INPP5A: variants seen among roughly 807,000 people sequenced by gnomAD.
The protein encoded by INPP5A is 43 kDa inositol polyphosphate 5-phophatase.
INPP5A carries 14 observed loss-of-function variants against 65.2 expected under a neutral mutation model. The observed-to-expected ratio is 0.21, with a 90% CI of 0.14 to 0.34. The LOEUF (loss-of-function observed/expected upper bound fraction) is 0.34, where lower values mean the gene tolerates loss of function less well. Ranked by LOEUF, INPP5A falls within the 10% of genes least tolerant of loss-of-function variation. INPP5A has a pLI of 1.00. For synonymous variants in INPP5A, 207 were observed against 208.3 expected, an observed-to-expected ratio of 0.99 and a Z score of 0.05; for missense variants, 431 against 545.6, an observed-to-expected ratio of 0.79 and a Z score of 2.09.
intron 4 of INPP5A, among the ~76,000 whole-genome samples, chr10:132,654,095 A>G (rs975227407): frequency 6.6e-6 from 1 of 152,240 alleles, no homozygotes; most frequent in African/African-American, 2.4e-5. Context: ...CTGTTCCTCC[A>G]GTCACCCTCA....
At chr10:132,712,457 ATG>A (rs760145238) in intron 8 of INPP5A, among the ~76,000 whole-genome samples, 1 of 146,576 alleles carries the variant, frequency 6.8e-6, no homozygotes, top group Non-Finnish European at 1.5e-5. Flanking sequence ...GTGTGGGTGC[ATG>A]TGTGGTGTGG....
In INPP5A at chr10:132,675,443, A is replaced by G. The variant is rs1352237183; in HGVS notation, c.307-14949A>G. ...AGGAGAAAGGAATGAGACTCAAGGC[A>G]GTTGGGGGAAGCGGGCAAATGGCCA... On this transcript the variant is annotated intron_variant, in intron 4 of 15. Coordinates refer to ENST00000368594, the MANE Select transcript of INPP5A (RefSeq NM_005539.5). The surrounding 1 kb of genome is among the most constrained non-coding windows in gnomAD (Gnocchi z 4.2). Among the ~76,000 whole-genome samples the G allele has an allele frequency of 2.0e-5, 3 of 152,268 alleles. No homozygotes were observed. Among genetic ancestry groups the G allele is most frequent in the Non-Finnish European group, 4.4e-5 (3 of 68,052 alleles).
chr10:132,753,084 C>T lies in INPP5A; in HGVS notation c.903+3239C>T, dbSNP rs1846526103. 1.3e-5 allele frequency among the ~76,000 whole-genome samples: 2 copies of T among 152,182 alleles called. 1 individual carries two copies. The highest frequency in any genetic ancestry group is 4.1e-4 in the South Asian group (2 of 4,834). Reference sequence around the variant, plus strand: ...CCGATGCCTCGGCGTTCCTGTCCTGCTACTCAGATCCTCTCTGTTTGGGGC... The same window carrying T: ...CCGATGCCTCGGCGTTCCTGTCCTGTTACTCAGATCCTCTCTGTTTGGGGC... On this transcript the variant is annotated intron_variant, in intron 11 of 15. Coordinates refer to ENST00000368594, the MANE Select transcript of INPP5A (RefSeq NM_005539.5). The surrounding 1 kb of genome is among the most constrained non-coding windows in gnomAD (Gnocchi z 5.3).
At chr10:132,703,683 C>G (rs1231485241) in intron 6 of INPP5A, among the ~76,000 whole-genome samples, 2 of 119,962 alleles carry the variant, frequency 1.7e-5, no homozygotes, top group African/African-American at 6.6e-5. Context: ...TGCAGCTTCA[C>G]CCCCGCAGAC....
At chr10:132,743,789 C>A (rs1846319702) in intron 9 of INPP5A, among the ~76,000 whole-genome samples, 2 of 152,294 alleles carry the variant, frequency 1.3e-5, no homozygotes, top group African/African-American at 4.8e-5. Context: ...CCCAGGAAAC[C>A]TGTGATGAGG....
In INPP5A at chr10:132,727,046, T is replaced by C. The variant is rs1232490090; in HGVS notation, c.732+141T>C. 7.7e-6 allele frequency: 4 copies of C among 521,020 alleles called. No homozygotes were observed. In the Admixed American group the frequency reaches 1.1e-4, roughly 14 times the overall value. The allele number at this position is 521,020 out of a possible 1,614,324, so 32.3% of individuals were successfully genotyped here. Reference sequence around the variant, plus strand: ...CACTTTTTAAGGCAAAACCTTTCAATGAAGAAGCATGTTTTGCTGTCGGCA... The same window carrying C: ...CACTTTTTAAGGCAAAACCTTTCAACGAAGAAGCATGTTTTGCTGTCGGCA... On this transcript the variant is annotated intron_variant, in intron 9 of 15. Transcript: ENST00000368594. The surrounding 1 kb of genome is among the most constrained non-coding windows in gnomAD (Gnocchi z 6.5).
At chr10:132,683,574 T>C (rs1279797714) in intron 4 of INPP5A, among the ~76,000 whole-genome samples, 2 of 152,264 alleles carry the variant, frequency 1.3e-5, no homozygotes, top group Admixed American at 1.3e-4. Flanking sequence ...TCAGTACCCA[T>C]GTACCTGGAT....
At chr10:132,556,635 G>A (rs918004667) in intron 1 of INPP5A, among the ~76,000 whole-genome samples, 10 of 152,200 alleles carry the variant, frequency 6.6e-5, no homozygotes, top group African/African-American at 1.9e-4. Context: ...CCACCAGGCC[G>A]TCGGAGAGTC....
intron 1 of INPP5A, among the ~76,000 whole-genome samples, chr10:132,586,839 C>T (rs994992160): frequency 2.0e-5 from 3 of 152,138 alleles, no homozygotes; most frequent in East Asian, 1.9e-4. Context: ...CGCAGCGCGG[C>T]GAGGCCACGG....
intron 8 of INPP5A, among the ~76,000 whole-genome samples, chr10:132,721,589 G>T (rs1439111620): frequency 6.7e-6 from 1 of 149,274 alleles, no homozygotes. Context: ...TGTCTTCAGG[G>T]TTCTGTGGTA....
intron 2 of INPP5A, among the ~76,000 whole-genome samples, chr10:132,639,353 T>C (rs540081083): frequency 1.8e-4 from 28 of 152,220 alleles, no homozygotes; most frequent in Non-Finnish European, 3.5e-4. Context: ...CTTGTTCCAC[T>C]GTCTTTTGGC....
At chr10:132,734,277 G>A (rs932246189) in intron 9 of INPP5A, among the ~76,000 whole-genome samples, 3 of 152,304 alleles carry the variant, frequency 2.0e-5, no homozygotes, top group Non-Finnish European at 2.9e-5. Flanking sequence ...CACTGATCTC[G>A]GTGCTCCCTG....
At chr10:132,648,558 A>G (rs1292777059) in intron 3 of INPP5A, among the ~76,000 whole-genome samples, 2 of 152,200 alleles carry the variant, frequency 1.3e-5, no homozygotes, top group African/African-American at 4.8e-5. Flanking sequence ...TTATTTTAGC[A>G]CAAGTCAGCT....
In INPP5A at chr10:132,659,407, G is replaced by T. The variant is rs1181783368; in HGVS notation, c.306+8902G>T. On this transcript the variant is annotated intron_variant, in intron 4 of 15. Transcript: ENST00000368594. This position sits in a 1 kb window ranked among gnomAD's most constrained non-coding sequence, Gnocchi z 5.5. ...GGGTTCCCTAGCTCTGGGTGAGGCG[G>T]GAGTGGTGGGCAGTGCTGGCCATGA... Among the ~76,000 whole-genome samples, 1 of 152,210 alleles carries T rather than the reference G, an allele frequency of 6.6e-6. No homozygotes were observed. Among genetic ancestry groups the T allele is most frequent in the African/African-American group, 2.4e-5 (1 of 41,458 alleles).
At position 132,741,688 on chromosome 10, in the gene INPP5A, T is replaced by C. The variant is rs982686634; in HGVS notation, c.733-7829T>C. On this transcript the variant is annotated intron_variant, in intron 9 of 15. Transcript: ENST00000368594. The surrounding 1 kb of genome is among the most constrained non-coding windows in gnomAD (Gnocchi z 4.4). ...ATCCGCGTCCGCTTGCTTTTCTCAA[T>C]AGCCAATGTAAACTGAGGTGGACGT... Among the ~76,000 whole-genome samples the C allele has an allele frequency of 6.6e-6, 1 of 151,906 alleles. No homozygotes were observed. Among genetic ancestry groups the C allele is most frequent in the Admixed American group, 6.6e-5 (1 of 15,240 alleles).
chr10:132,697,796 G>A lies in INPP5A; in HGVS notation c.371-20G>A, dbSNP rs775436903. On this transcript the variant is annotated intron_variant, in intron 5 of 15. Transcript: ENST00000368594. The surrounding 1 kb of genome is among the most constrained non-coding windows in gnomAD (Gnocchi z 5.6). ...GGCACAGTGATGGGATAGTCACCTC[G>A]TCCTTCTGGTCTCTTCCAGCTAAGA... The A allele has an allele frequency of 4.6e-6, 7 of 1,538,156 alleles. No individual in the cohort carries two copies. The highest frequency in any genetic ancestry group is 2.2e-5 in the East Asian group (1 of 44,454).
intron 1 of INPP5A, among the ~76,000 whole-genome samples, chr10:132,544,913 C>G (rs929152713): frequency 6.6e-6 from 1 of 152,062 alleles, no homozygotes; most frequent in Non-Finnish European, 1.5e-5. Context: ...GAGTTTAGAT[C>G]ACCCGGGTTA....
chr10:132,669,893 T>C (rs1278202352), intron 4 of INPP5A, among the ~76,000 whole-genome samples: 1 of 152,004 alleles, frequency 6.6e-6, no homozygotes, highest in East Asian at 1.9e-4. Flanking sequence ...GCTCCCTCTC[T>C]GTCCTCAGGG....
At chr10:132,728,224 T>C (rs1846019167) in intron 9 of INPP5A, among the ~76,000 whole-genome samples, 1 of 152,204 alleles carries the variant, frequency 6.6e-6, no homozygotes, top group African/African-American at 2.4e-5. Context: ...CTGCGTGTGG[T>C]GGGCTGAGGA....
Sources: gnomAD v4.1 joint callset for allele counts (sites outside exome capture counted in the v4.1 genomes callset) on GRCh38, gnomAD v4.1.1 for gene constraint, Gnocchi (gnomAD v3.1) non-coding constraint, MANE v1.5 for transcripts, NCBI Gene and HGNC (gene_info 2026-07-23, HGNC 2026-07-21) for gene names.